Variants in PCDHGA11 observed in about 807,000 individuals in gnomAD.
PCDHGA11 encodes protocadherin gamma subfamily A, 11, also known as protocadherin gamma-A11.
A neutral mutation model predicts 60.4 loss-of-function variants in PCDHGA11; 39 were observed. The ratio of observed to expected loss-of-function variants is 0.65; its 90% CI spans 0.50 to 0.84. The LOEUF (loss-of-function observed/expected upper bound fraction) is 0.84, where lower values mean the gene tolerates loss of function less well. Among genes scored for constraint, PCDHGA11 ranks in the 40% least tolerant of loss-of-function variants. The probability of loss-of-function intolerance (pLI) is 0.00; values close to 1 mark genes in which losing one functional copy is unlikely to be tolerated. For missense variants in PCDHGA11, 1,165 were observed against 1,197.7 expected, an observed-to-expected ratio of 0.97 and a Z score of 0.40; for synonymous variants, 533 against 510.3, an observed-to-expected ratio of 1.04 and a Z score of -0.60.
At chr5:141,448,021 G>A (rs1376525971) in intron 1 of PCDHGA11, among the ~76,000 whole-genome samples, 2 of 152,050 alleles carry the variant, frequency 1.3e-5, no homozygotes, top group African/African-American at 4.8e-5. Context: ...AGGAGGTGGA[G>A]GTTGCAGTGA....
chr5:141,467,506 G>A (rs1364362269), intron 1 of PCDHGA11, among the ~76,000 whole-genome samples: 1 of 152,094 alleles, frequency 6.6e-6, no homozygotes, highest in Non-Finnish European at 1.5e-5. Flanking sequence ...TGATCTAATT[G>A]GAGTTTATTC....
chr5:141,472,494 C>T (rs561045783), intron 1 of PCDHGA11, among the ~76,000 whole-genome samples: 9 of 151,168 alleles, frequency 6.0e-5, no homozygotes, highest in South Asian at 2.1e-4. Context: ...GAGACGAGAT[C>T]GTGCCACTGC....
rs202183643 is a variant in PCDHGA11 at position 141,490,646 on chromosome 5, C to T, written c.2434-4161C>T. 9 of 1,614,186 alleles carry T rather than the reference C, an allele frequency of 5.6e-6. No homozygotes were observed. Among genetic ancestry groups the T allele is most frequent in the African/African-American group, 2.7e-5 (2 of 75,054 alleles). ...GCTTACATCCTAGAAAACCGGCCTC[C>T]GGGCTCCCTTCTTTGCACTGTGGCT... On this transcript the variant is annotated intron_variant, in intron 1 of 3. Transcript: ENST00000398587. The surrounding 1 kb of genome is among the most constrained non-coding windows in gnomAD (Gnocchi z 5.4).
chr5:141,427,971 C>T (rs764145525), intron 1 of PCDHGA11: 1 of 1,593,512 alleles, frequency 6.3e-7, no homozygotes, highest in African/African-American at 1.3e-5. Flanking sequence ...GGTGCTGTAC[C>T]CCGCGCTGGG....
At chr5:141,452,412 T>G (rs1009940351) in intron 1 of PCDHGA11, among the ~76,000 whole-genome samples, 2 of 152,222 alleles carry the variant, frequency 1.3e-5, no homozygotes, top group Non-Finnish European at 2.9e-5. Context: ...GTGTGAGGTA[T>G]GCTCACTGCT....
Position 141,490,109 on chromosome 5 carries a change from G to A in PCDHGA11, c.2434-4698G>A, listed in dbSNP as rs775286436. The A allele has an allele frequency of 3.4e-5, 55 of 1,614,114 alleles. No homozygotes were observed. Among genetic ancestry groups the A allele is most frequent in the African/African-American group, 8.0e-5 (6 of 74,940 alleles). ...GGAGACCACACATCTGAGGCAGTGC[G>A]GAACCTCTTTGGCCTAGACCCTAGC... On this transcript the variant is annotated intron_variant, in intron 1 of 3. Coordinates refer to ENST00000398587, the MANE Select transcript of PCDHGA11 (RefSeq NM_018914.3). This position sits in a 1 kb window ranked among gnomAD's most constrained non-coding sequence, Gnocchi z 5.4.
Position 141,490,711 on chromosome 5 carries a change from T to C in PCDHGA11, c.2434-4096T>C. ...CACTGGGGATAATGCCCGCCTCACC[T>C]ACTCCATTGTAGGAAATCAGGTTCA... On this transcript the variant is annotated intron_variant, in intron 1 of 3. Transcript: ENST00000398587. The surrounding 1 kb of genome is among the most constrained non-coding windows in gnomAD (Gnocchi z 5.4). The C allele has an allele frequency of 6.2e-7, 1 of 1,614,200 alleles. No individual in the cohort carries two copies. Among genetic ancestry groups the C allele is most frequent in the Non-Finnish European group, 8.5e-7 (1 of 1,180,002 alleles).
intron 3 of PCDHGA11, 46 bp from the exon 4 acceptor site, chr5:141,510,901 A>G: frequency 1.9e-6 from 3 of 1,613,412 alleles, no homozygotes; most frequent in African/African-American, 2.7e-5. Flanking sequence ...GTGACTGTTG[A>G]GGACCCTAAG....
chr5:141,476,613 G>T lies in PCDHGA11; in HGVS notation c.2434-18194G>T. On this transcript the variant is annotated intron_variant, in intron 1 of 3. Coordinates refer to ENST00000398587, the MANE Select transcript of PCDHGA11 (RefSeq NM_018914.3). The surrounding 1 kb of genome is among the most constrained non-coding windows in gnomAD (Gnocchi z 7.6). ...AGCGCGCACGATCCCGATGTGGGAA[G>T]CAACTCTTTACAAACCTATGAGCTG... 2 of 1,614,266 alleles carry T rather than the reference G, an allele frequency of 1.2e-6. No homozygotes were observed. The highest frequency in any genetic ancestry group is 2.7e-5 in the African/African-American group (2 of 75,078).
intron 1 of PCDHGA11, among the ~76,000 whole-genome samples, chr5:141,434,766 A>T (rs1383531828): frequency 1.3e-5 from 2 of 151,012 alleles, no homozygotes; most frequent in Non-Finnish European, 3.0e-5. Context: ...CCCACTTCAC[A>T]CTTCTAAAAA....
chr5:141,466,195 C>G (rs1269214888), intron 1 of PCDHGA11, among the ~76,000 whole-genome samples: 1 of 151,748 alleles, frequency 6.6e-6, no homozygotes, highest in Non-Finnish European at 1.5e-5. Flanking sequence ...TTTTCAGACA[C>G]AGCCTTGCTC....
At position 141,486,883 on chromosome 5, in the gene PCDHGA11, C is replaced by G. The variant is rs1234866888; in HGVS notation, c.2434-7924C>G. The G allele has an allele frequency of 1.2e-6, 2 of 1,614,214 alleles. No individual in the cohort carries two copies. ...CTCCAGCTGTGCTCCGTCCTCGGGC[C>G]CGGCCTGGTTCCTTATGTCCCCAAG... On this transcript the variant is annotated intron_variant, in intron 1 of 3. Coordinates refer to ENST00000398587, the MANE Select transcript of PCDHGA11 (RefSeq NM_018914.3). The surrounding 1 kb of genome is among the most constrained non-coding windows in gnomAD (Gnocchi z 5.0).
At chr5:141,435,004 A>G (rs1481428383) in intron 1 of PCDHGA11, among the ~76,000 whole-genome samples, 1 of 152,096 alleles carries the variant, frequency 6.6e-6, no homozygotes, top group Non-Finnish European at 1.5e-5. Flanking sequence ...AGCTGAATTT[A>G]TCAATGATAA....
rs764742899 is a variant in PCDHGA11, at chr5:141,487,062, C to T, written c.2434-7745C>T. On this transcript the variant is annotated intron_variant, in intron 1 of 3. Transcript: ENST00000398587. This position sits in a 1 kb window ranked among gnomAD's most constrained non-coding sequence, Gnocchi z 5.0. Reference sequence around the variant, plus strand: ...TCTCGATATGCTGGGGAGGTGCGGACGGCTGTTCCTATCCCAGCTGACCTC... The same window carrying T: ...TCTCGATATGCTGGGGAGGTGCGGATGGCTGTTCCTATCCCAGCTGACCTC... 2.8e-5 allele frequency: 45 copies of T among 1,613,980 alleles called. No homozygotes were observed. Among genetic ancestry groups the T allele is most frequent in the East Asian group, 1.3e-4 (6 of 44,874 alleles).
At position 141,486,653 on chromosome 5, in the gene PCDHGA11, C is replaced by A; in HGVS notation, c.2434-8154C>A. 1 of 1,613,968 alleles carries A rather than the reference C, an allele frequency of 6.2e-7. No homozygotes were observed. Among genetic ancestry groups the A allele is most frequent in the Non-Finnish European group, 8.5e-7 (1 of 1,180,034 alleles). On this transcript the variant is annotated intron_variant, in intron 1 of 3. Coordinates refer to ENST00000398587, the MANE Select transcript of PCDHGA11 (RefSeq NM_018914.3). This position sits in a 1 kb window ranked among gnomAD's most constrained non-coding sequence, Gnocchi z 5.0. ...CTTGAATGCGCTTATCTCCTACTCA[C>A]TCCTGGAGCCCAGGAATCGAGATGT... is the stretch of plus-strand genomic sequence containing the variant.
At position 141,476,760 on chromosome 5, in the gene PCDHGA11, C is replaced by A; in HGVS notation, c.2434-18047C>A. The A allele has an allele frequency of 6.2e-7, 1 of 1,613,824 alleles. No homozygotes were observed. Among genetic ancestry groups the A allele is most frequent in the Non-Finnish European group, 8.5e-7 (1 of 1,180,010 alleles). On this transcript the variant is annotated intron_variant, in intron 1 of 3. Coordinates refer to ENST00000398587, the MANE Select transcript of PCDHGA11 (RefSeq NM_018914.3). This position sits in a 1 kb window ranked among gnomAD's most constrained non-coding sequence, Gnocchi z 7.6. ...GAGCCTAGTCTCCAGTTAGTGCTGA[C>A]GGCGTTGGACGGAGGGACCCCAGCT...
intron 1 of PCDHGA11, among the ~76,000 whole-genome samples, chr5:141,471,692 C>A (rs1293253544): frequency 6.6e-6 from 1 of 152,118 alleles, no homozygotes; most frequent in African/African-American, 2.4e-5. Context: ...TTCTGAAATT[C>A]TGGCTGGAAT....
chr5:141,466,468 T>C (rs1266315455), intron 1 of PCDHGA11, among the ~76,000 whole-genome samples: 1 of 152,368 alleles, frequency 6.6e-6, no homozygotes, highest in East Asian at 1.9e-4. Flanking sequence ...TTGTTTCTGC[T>C]GTTAATTGTA....
At position 141,476,881 on chromosome 5, in the gene PCDHGA11, G is replaced by A. The variant is rs1458703890; in HGVS notation, c.2434-17926G>A. On this transcript the variant is annotated intron_variant, in intron 1 of 3. Coordinates refer to ENST00000398587, the MANE Select transcript of PCDHGA11 (RefSeq NM_018914.3). The surrounding 1 kb of genome is among the most constrained non-coding windows in gnomAD (Gnocchi z 7.6). The stretch of plus-strand genomic sequence containing the variant: ...CCTTGTACCGGGCGCGCGTCCTGGA[G>A]GATGCACCCTCCGGCACGCGCGTGG... 1.9e-6 allele frequency: 3 copies of A among 1,613,874 alleles called. No homozygotes were observed. Among genetic ancestry groups the A allele is most frequent in the Middle Eastern group, 1.6e-4 (1 of 6,084 alleles).
Sources: allele counts gnomAD v4.1 joint callset (sites outside exome capture counted in the v4.1 genomes callset), GRCh38; gene constraint gnomAD v4.1.1; non-coding constraint Gnocchi (gnomAD v3.1); transcripts MANE v1.5; gene names NCBI Gene and HGNC (gene_info 2026-07-23, HGNC 2026-07-21).